Variants in BICRAL observed in about 807,000 individuals in gnomAD.
BICRAL encodes BICRA like chromatin remodeling complex associated protein.
BICRAL carries 8 observed loss-of-function variants against 91.8 expected under a neutral mutation model. The ratio of observed to expected loss-of-function variants is 0.09; its 90% CI spans 0.05 to 0.16. BICRAL has a LOEUF of 0.16. Among genes scored for constraint, BICRAL ranks in the 10% least tolerant of loss-of-function variants. The probability of loss-of-function intolerance (pLI) is 1.00; values close to 1 mark genes in which losing one functional copy is unlikely to be tolerated. For synonymous variants in BICRAL, 445 were observed against 491.1 expected (o/e 0.91, Z 1.24); for missense variants, 1,038 against 1,310.9 (o/e 0.79, Z 3.21).
intron 6 of BICRAL, among the ~76,000 whole-genome samples, chr6:42,835,967 G>A (rs993026894): frequency 6.6e-6 from 1 of 152,106 alleles, no homozygotes; most frequent in African/African-American, 2.4e-5. Flanking sequence ...AAAATGTGCA[G>A]TTAATTAGTA....
At chr6:42,819,987 T>G (rs1396908360) in intron 2 of BICRAL, among the ~76,000 whole-genome samples, 1 of 152,202 alleles carries the variant, frequency 6.6e-6, no homozygotes, top group African/African-American at 2.4e-5. Flanking sequence ...ACAATGGCTT[T>G]TAATCTCATT....
intron 6 of BICRAL, among the ~76,000 whole-genome samples, chr6:42,830,876 C>A (rs996428464): frequency 9.8e-5 from 15 of 152,332 alleles, no homozygotes; most frequent in Admixed American, 2.0e-4. Flanking sequence ...CTTGGCCTCC[C>A]AAAGTACTGG....
chr6:42,756,926 C>G lies in BICRAL; in HGVS notation c.-261+9903C>G, dbSNP rs1316314551. 9.7e-5 allele frequency among the ~76,000 whole-genome samples: 10 copies of G among 103,188 alleles called. No individual in the cohort carries two copies. The South Asian group carries it at 1.4e-3, about 15-fold the overall frequency. 67.7% of individuals were successfully genotyped at this position (103,188 alleles called of 152,430 possible). A position where few individuals can be genotyped will look rare whatever the true frequency, so the allele number is the denominator to read the frequency against. On this transcript the variant is annotated intron_variant, in intron 1 of 14. Coordinates refer to the BICRAL transcript ENST00000614467. Reference sequence around the variant, plus strand: ...TCTCTCTCTCTCTCCCTCTCCCCCCCCCCCACCCTCCCTCTCTCCCTCTCT... The same window carrying G: ...TCTCTCTCTCTCTCCCTCTCCCCCCGCCCCACCCTCCCTCTCTCCCTCTCT...
At chr6:42,819,982 G>A (rs1764096698) in intron 2 of BICRAL, among the ~76,000 whole-genome samples, 1 of 152,140 alleles carries the variant, frequency 6.6e-6, no homozygotes, top group Admixed American at 6.5e-5. Flanking sequence ...GTTGCACAAT[G>A]GCTTTTAATC....
At chr6:42,824,536 G>A (rs150398067) in intron 5 of BICRAL, among the ~76,000 whole-genome samples, 115 of 152,162 alleles carry the variant, frequency 7.6e-4, no homozygotes, top group Middle Eastern at 3.4e-3. Flanking sequence ...TAGAGACTGC[G>A]TTTCTCCATG....
At chr6:42,846,408 T>C (rs947616917) in intron 6 of BICRAL, among the ~76,000 whole-genome samples, 2 of 151,944 alleles carry the variant, frequency 1.3e-5, no homozygotes, top group Non-Finnish European at 2.9e-5. Context: ...AATAAATAAA[T>C]AAATAAATAA....
At chr6:42,861,031 C>T (rs899854755) in intron 11 of BICRAL, among the ~76,000 whole-genome samples, 1 of 152,082 alleles carries the variant, frequency 6.6e-6, no homozygotes, top group Non-Finnish European at 1.5e-5. Flanking sequence ...GAGGCTGAGG[C>T]GGAAGAATCA....
At chr6:42,846,962 G>GT (rs773266164) in intron 6 of BICRAL, among the ~76,000 whole-genome samples, 71 of 152,336 alleles carry the variant, frequency 4.7e-4, no homozygotes, top group Non-Finnish European at 4.9e-4. Context: ...AAAACTTCAA[G>GT]TTTTTTGCCA....
intron 1 of BICRAL, among the ~76,000 whole-genome samples, chr6:42,785,653 C>G (rs920944376): frequency 5.9e-5 from 9 of 151,884 alleles, no homozygotes; most frequent in African/African-American, 2.2e-4. Flanking sequence ...AAGATAAATC[C>G]TTAAAAGAAA....
intron 1 of BICRAL, among the ~76,000 whole-genome samples, chr6:42,800,589 G>A (rs780373642): frequency 1.4e-5 from 2 of 145,558 alleles, no homozygotes; most frequent in Middle Eastern, 3.4e-3. Flanking sequence ...CCGCTTCATC[G>A]CCCAGGCTAG....
chr6:42,831,978 A>G (rs1764497196), intron 6 of BICRAL, among the ~76,000 whole-genome samples: 1 of 151,358 alleles, frequency 6.6e-6, no homozygotes, highest in African/African-American at 2.4e-5. Flanking sequence ...GGCTCCAGTG[A>G]TCTGCCCGCC....
chr6:42,818,138 A>C (rs760274011), intron 2 of BICRAL, among the ~76,000 whole-genome samples: 2 of 152,000 alleles, frequency 1.3e-5, no homozygotes, highest in African/African-American at 4.8e-5. Context: ...AAAAGTTCCT[A>C]TTTCCCCACT....
At chr6:42,844,327 G>A (rs1764914920) in intron 6 of BICRAL, among the ~76,000 whole-genome samples, 1 of 150,060 alleles carries the variant, frequency 6.7e-6, no homozygotes, top group Admixed American at 6.6e-5. Flanking sequence ...GGCTAACCCG[G>A]TGAAACCCCA....
At chr6:42,803,321 T>C (rs576918395) in intron 1 of BICRAL, among the ~76,000 whole-genome samples, 26 of 152,304 alleles carry the variant, frequency 1.7e-4, no homozygotes, top group African/African-American at 5.5e-4. Flanking sequence ...CTGAGAGAAG[T>C]GAATTGTCTG....
intron 1 of BICRAL, among the ~76,000 whole-genome samples, chr6:42,748,526 A>G (rs994936591): frequency 6.6e-6 from 1 of 152,226 alleles, no homozygotes; most frequent in African/African-American, 2.4e-5. Flanking sequence ...TTTTGCTACA[A>G]TCCAGTAGAC....
intron 12 of BICRAL, among the ~76,000 whole-genome samples, chr6:42,863,051 T>C (rs1765601960): frequency 7.6e-6 from 1 of 130,898 alleles, no homozygotes; most frequent in Non-Finnish European, 1.7e-5. Context: ...GGACATTTCT[T>C]TTTTTTTTTT....
At chr6:42,808,062 T>C (rs1228806050) in intron 1 of BICRAL, among the ~76,000 whole-genome samples, 1 of 152,078 alleles carries the variant, frequency 6.6e-6, no homozygotes, top group Non-Finnish European at 1.5e-5. Flanking sequence ...TACCCACTTA[T>C]GTGCTATTTG....
intron 9 of BICRAL, among the ~76,000 whole-genome samples, 197 bp from the exon 10 acceptor site, chr6:42,856,894 A>C (rs1765375926): frequency 6.6e-6 from 1 of 152,130 alleles, no homozygotes; most frequent in Admixed American, 6.6e-5. Flanking sequence ...TGTGCTTTTG[A>C]GGTCAGGGTC....
intron 6 of BICRAL, among the ~76,000 whole-genome samples, chr6:42,850,039 T>A (rs937211961): frequency 4.7e-5 from 7 of 149,850 alleles, no homozygotes; most frequent in African/African-American, 1.8e-4. Context: ...CCTGTCTCAA[T>A]AAATAAATAA....
Sources: allele counts gnomAD v4.1 joint callset (sites outside exome capture counted in the v4.1 genomes callset), GRCh38; gene constraint gnomAD v4.1.1; transcripts MANE v1.5; gene names NCBI Gene and HGNC (gene_info 2026-07-23, HGNC 2026-07-21).